The following CDS2 variants were observed in gnomAD, a reference collection of about 807,000 sequenced individuals.
CDS2 encodes the protein CDP-diacylglycerol synthase 2.
CDS2 carries 47 observed loss-of-function variants against 59.0 expected under a neutral mutation model. That is an observed-to-expected ratio of 0.80 (90% CI 0.63 to 1.02). The LOEUF is 1.02. CDS2 is among the 50% of genes least tolerant of loss of function. The pLI is 0.00. For missense variants in CDS2, 356 were observed against 558.9 expected, an observed-to-expected ratio of 0.64 and a Z score of 3.66; for synonymous variants, 207 against 206.4, an observed-to-expected ratio of 1.00 and a Z score of -0.02.
rs769350299 is a variant in CDS2 at position 5,186,727 on chromosome 20, C to T, written c.869C>T (p.Pro290Leu). The change falls in exon 10 of 13, where the codon CCT becomes CTT. Residue 290 changes from proline to leucine, a missense_variant. Physicochemically the swap from Pro to Leu is moderately conservative, Grantham distance 98. This residue lies in a region of CDS2 where 88 missense variants were observed against 103.6 expected (regional missense o/e 0.85). Transcript: ENST00000460006. ...VMSGYRCFVC[P>L]VEYNNDTNSF... Reference sequence around the variant, plus strand: ...TCCGGGTACAGATGCTTTGTCTGCCCTGTGGAGTACAACAATGACACCAAC... The same window carrying T: ...TCCGGGTACAGATGCTTTGTCTGCCTTGTGGAGTACAACAATGACACCAAC... 20 of 1,613,988 alleles carry T rather than the reference C, an allele frequency of 1.2e-5. No individual in the cohort carries two copies. Among genetic ancestry groups the T allele is most frequent in the African/African-American group, 5.3e-5 (4 of 74,882 alleles).
chr20:5,178,083 G>C (rs2281557), intron 4 of CDS2, among the ~76,000 whole-genome samples: 68,522 of 152,016 alleles, frequency 0.45, 15,777 homozygotes, highest in South Asian at 0.6. Context: ...GCTGCATGGT[G>C]CCATACTCAG....
chr20:5,149,726 G>GT (rs893948438), intron 1 of CDS2, among the ~76,000 whole-genome samples: 3 of 150,712 alleles, frequency 2.0e-5, no homozygotes, highest in South Asian at 2.1e-4. Context: ...TTTGTTTTTT[G>GT]TTTTTTTGAG....
chr20:5,139,891 C>T (rs749959660), intron 1 of CDS2, among the ~76,000 whole-genome samples: 2 of 151,944 alleles, frequency 1.3e-5, no homozygotes, highest in Non-Finnish European at 2.9e-5. Context: ...CTCCACCTCC[C>T]GGGTTCAAGC....
intron 10 of CDS2, 78 bp downstream of exon 10, chr20:5,186,917 T>C: frequency 6.5e-7 from 1 of 1,528,462 alleles, no homozygotes; most frequent in Non-Finnish European, 9.0e-7. Context: ...TCACCTGCCC[T>C]CTGAAAAAAG....
intron 1 of CDS2, among the ~76,000 whole-genome samples, chr20:5,141,144 C>A (rs1361713114): frequency 6.6e-6 from 1 of 152,168 alleles, no homozygotes; most frequent in Non-Finnish European, 1.5e-5. Flanking sequence ...TGGAGCTGGC[C>A]ATAAAAAATT....
intron 1 of CDS2, among the ~76,000 whole-genome samples, chr20:5,133,814 C>T (rs772588354): frequency 2.0e-4 from 30 of 152,132 alleles, no homozygotes; most frequent in Non-Finnish European, 1.2e-4. Context: ...CGTGAGCCAC[C>T]GCGCCTGGCC....
intron 1 of CDS2, among the ~76,000 whole-genome samples, chr20:5,154,471 G>C (rs2090817273): frequency 6.6e-6 from 1 of 152,186 alleles, no homozygotes; most frequent in Non-Finnish European, 1.5e-5. Context: ...CTTCCACTCT[G>C]AGCATTCGTC....
intron 1 of CDS2, among the ~76,000 whole-genome samples, chr20:5,133,589 A>G (rs1243904561): frequency 6.6e-6 from 1 of 152,182 alleles, no homozygotes; most frequent in Non-Finnish European, 1.5e-5. Flanking sequence ...GTGTAATGGT[A>G]TAATCTCAGC....
intron 1 of CDS2, among the ~76,000 whole-genome samples, chr20:5,159,387 C>G (rs925935987): frequency 7.2e-6 from 1 of 138,164 alleles, no homozygotes; most frequent in African/African-American, 2.8e-5. Context: ...TAATGTAGAA[C>G]AGAGAAGCAT....
intron 1 of CDS2, among the ~76,000 whole-genome samples, chr20:5,166,911 G>A (rs898388991): frequency 5.3e-5 from 8 of 152,178 alleles, no homozygotes; most frequent in African/African-American, 1.9e-4. Flanking sequence ...CCATGAAGTG[G>A]GGAAGAAAGT....
intron 1 of CDS2, among the ~76,000 whole-genome samples, chr20:5,160,735 C>T (rs949762954): frequency 2.6e-5 from 4 of 152,154 alleles, no homozygotes; most frequent in African/African-American, 9.7e-5. Flanking sequence ...CAGCCCCTGA[C>T]AACCACCATT....
intron 1 of CDS2, among the ~76,000 whole-genome samples, chr20:5,129,248 A>G (rs146679416): frequency 1.2e-4 from 18 of 152,176 alleles, no homozygotes; most frequent in African/African-American, 3.6e-4. Flanking sequence ...GAACTTCTCA[A>G]TTGTCACTGA....
chr20:5,130,818 G>A (rs1219943967), intron 1 of CDS2, among the ~76,000 whole-genome samples: 10 of 151,790 alleles, frequency 6.6e-5, no homozygotes, highest in African/African-American at 1.9e-4. Context: ...GAGGCTGGGC[G>A]TGGTAGCTCA....
Position 5,190,282 on chromosome 20 carries a change from G to A in CDS2, c.*48G>A, listed in dbSNP as rs766244332. 135 of 1,566,026 alleles carry A rather than the reference G, an allele frequency of 8.6e-5. 4 individuals are homozygous for A. In the South Asian group the frequency reaches 1.4e-3, roughly 17 times the overall value. On this transcript the variant is annotated 3_prime_UTR_variant, in exon 13 of 13. Coordinates refer to ENST00000460006, the MANE Select transcript of CDS2 (RefSeq NM_003818.4). The stretch of plus-strand genomic sequence containing the variant: ...CAGGAACAGAACTGAGCAGGGGCAG[G>A]TCTCCAAGGCAAGCCCAGCTGGTGT...
At chr20:5,188,959 C>T in intron 10 of CDS2, 108 bp from the exon 11 acceptor site, 2 of 1,401,922 alleles carry the variant, frequency 1.4e-6, no homozygotes, top group South Asian at 1.2e-5. Flanking sequence ...TAGGCATCAC[C>T]TCCCAGTGAG....
At chr20:5,165,552 T>C (rs6053170) in intron 1 of CDS2, among the ~76,000 whole-genome samples, 3 of 47,856 alleles carry the variant, frequency 6.3e-5, no homozygotes, top group African/African-American at 2.3e-4. Flanking sequence ...TCTTTTTTTG[T>C]TTTTTTGTTT....
At chr20:5,173,750 C>A in intron 2 of CDS2, 91 bp downstream of exon 2, 1 of 1,466,888 alleles carries the variant, frequency 6.8e-7, no homozygotes, top group Non-Finnish European at 9.4e-7. Flanking sequence ...CGTGGTCTTG[C>A]AGAGCAGGCC....
intron 1 of CDS2, among the ~76,000 whole-genome samples, chr20:5,171,684 G>A (rs2090957254): frequency 6.6e-6 from 1 of 152,182 alleles, no homozygotes; most frequent in Non-Finnish European, 1.5e-5. Flanking sequence ...CTGGAGTGGT[G>A]TACTGGGACA....
At chr20:5,137,287 A>G (rs529253434) in intron 1 of CDS2, among the ~76,000 whole-genome samples, 10 of 146,862 alleles carry the variant, frequency 6.8e-5, no homozygotes, top group African/African-American at 2.0e-4. Flanking sequence ...CCTGTCGCCC[A>G]GGCTGGAGTG....
Sources: allele counts gnomAD v4.1 joint callset (sites outside exome capture counted in the v4.1 genomes callset), GRCh38; gene constraint gnomAD v4.1.1; regional missense constraint gnomAD v4.1.1; transcripts MANE v1.5; gene names NCBI Gene and HGNC (gene_info 2026-07-23, HGNC 2026-07-21).